PCDHGA7: variants seen among roughly 807,000 people sequenced by gnomAD.
PCDHGA7 encodes the protein protocadherin gamma subfamily A, 7, also known as protocadherin gamma-A7.
In PCDHGA7, 44 loss-of-function variants were observed where a neutral mutation model predicts 58.3. The observed-to-expected ratio is 0.75, with a 90% confidence interval of 0.59 to 0.97. PCDHGA7 has a LOEUF of 0.97. PCDHGA7 is among the 50% of genes least tolerant of loss of function. PCDHGA7 has a pLI of 0.00. For synonymous variants in PCDHGA7, 516 were observed against 504.2 expected (o/e 1.02, Z -0.31); for missense variants, 1,266 against 1,188.7 (o/e 1.06, Z -0.96).
At chr5:141,505,352 C>CG in intron 2 of PCDHGA7, 41 bp from the exon 3 acceptor site, 1 of 1,613,302 alleles carries the variant, frequency 6.2e-7, no homozygotes, top group East Asian at 2.2e-5. Context: ...TGAGCTGTGC[C>CG]GGCCTGGGAG....
chr5:141,431,513 C>G lies in PCDHGA7; in HGVS notation c.2424+46190C>G. ...TCAGCCCGAGTACCGCGCGAGCGTT[C>G]CGGAGAATCTGGCCTTGGGCACGCA... On this transcript the variant is annotated intron_variant, in intron 1 of 3. Transcript: ENST00000518325. The surrounding 1 kb of genome is among the most constrained non-coding windows in gnomAD (Gnocchi z 4.8). 6.2e-7 allele frequency: 1 copy of G among 1,614,022 alleles called. No homozygotes were observed. Among genetic ancestry groups the G allele is most frequent in the South Asian group, 1.1e-5 (1 of 91,088 alleles).
chr5:141,409,442 C>T, intron 1 of PCDHGA7: 2 of 1,613,998 alleles, frequency 1.2e-6, no homozygotes, highest in Non-Finnish European at 1.7e-6. Flanking sequence ...GGACCGAGAG[C>T]AGACACCAGA....
chr5:141,450,015 T>A (rs911475310), intron 1 of PCDHGA7, among the ~76,000 whole-genome samples: 12 of 149,806 alleles, frequency 8.0e-5, no homozygotes, highest in Non-Finnish European at 1.6e-4. Flanking sequence ...TCTTTTTTTT[T>A]TTTTTTTTTG....
In PCDHGA7 at chr5:141,382,776, A is replaced by G. The variant is rs572614689; in HGVS notation, c.-124A>G. 9.9e-6 allele frequency: 8 copies of G among 809,846 alleles called. No individual in the cohort carries two copies. The Admixed American group carries it at 2.0e-4, about 21-fold the overall frequency. 50.2% of individuals were successfully genotyped at this position (809,846 alleles called of 1,614,324 possible). The stretch of plus-strand genomic sequence containing the variant: ...TAAGCCCTCTTCCAGGCTGCACTAA[A>G]CTCAAGCCTCTATCCTGCTGGATTC... On this transcript the variant is annotated 5_prime_UTR_variant, in exon 1 of 4. Transcript: ENST00000518325.
rs770760145 is a variant in PCDHGA7 at position 141,421,951 on chromosome 5, A to C, written c.2424+36628A>C. On this transcript the variant is annotated intron_variant, in intron 1 of 3. Transcript: ENST00000518325. Reference sequence around the variant, plus strand: ...CCTCGATGTAAATGATCACATCCCAATGTTTACACAGTCCGTATATCGCGT... The same window carrying C: ...CCTCGATGTAAATGATCACATCCCACTGTTTACACAGTCCGTATATCGCGT... 1.9e-6 allele frequency: 3 copies of C among 1,612,854 alleles called. No homozygotes were observed. The highest frequency in any genetic ancestry group is 2.5e-6 in the Non-Finnish European group (3 of 1,179,434).
intron 1 of PCDHGA7, among the ~76,000 whole-genome samples, chr5:141,461,917 G>A (rs527287831): frequency 6.6e-6 from 1 of 152,098 alleles, no homozygotes; most frequent in South Asian, 2.1e-4. Flanking sequence ...TCTGCCTCCT[G>A]GGTTCCAGCA....
intron 1 of PCDHGA7, chr5:141,399,076 G>A (rs767415619): frequency 1.2e-6 from 2 of 1,613,850 alleles, no homozygotes; most frequent in Non-Finnish European, 1.7e-6. Flanking sequence ...GGTTGTAGAA[G>A]GGAGGGATGG....
In PCDHGA7 at chr5:141,383,157, T is replaced by A; in HGVS notation, c.258T>A (p.Thr86=). The change falls in exon 1 of 4, where the codon ACT becomes ACA. Residue 86 remains threonine (T), a synonymous_variant. Coordinates refer to ENST00000518325, the MANE Select transcript of PCDHGA7 (RefSeq NM_018920.4). ...ALNQRSGSLV[T]AGRIDREEIC... ...ACCAGCGCAGCGGCAGCTTGGTCACTGCGGGCAGGATAGACCGGGAAGAGA... is the reference window on the plus strand; with the variant it reads ...ACCAGCGCAGCGGCAGCTTGGTCACAGCGGGCAGGATAGACCGGGAAGAGA... The A allele has an allele frequency of 6.2e-7, 1 of 1,614,076 alleles. No individual in the cohort carries two copies. The highest frequency in any genetic ancestry group is 8.5e-7 in the Non-Finnish European group (1 of 1,179,958).
At chr5:141,465,831 T>A (rs997004387) in intron 1 of PCDHGA7, among the ~76,000 whole-genome samples, 1 of 151,980 alleles carries the variant, frequency 6.6e-6, no homozygotes, top group African/African-American at 2.4e-5. Context: ...TTGTTTAAAA[T>A]TTCAACTGAG....
At chr5:141,448,862 G>A (rs1406203589) in intron 1 of PCDHGA7, among the ~76,000 whole-genome samples, 2 of 151,996 alleles carry the variant, frequency 1.3e-5, no homozygotes, top group African/African-American at 2.4e-5. Context: ...GGAGAATGGC[G>A]TGAACCTGGG....
At chr5:141,497,664 C>T (rs779506763) in intron 2 of PCDHGA7, among the ~76,000 whole-genome samples, 14 of 151,904 alleles carry the variant, frequency 9.2e-5, no homozygotes, top group Non-Finnish European at 1.8e-4. Context: ...CTCAGCCTCC[C>T]GAGTAGCTGG....
chr5:141,420,156 A>T lies in PCDHGA7; in HGVS notation c.2424+34833A>T, dbSNP rs1406451882. ...GGGGATCAAATGAATCCAGAATTTA[A>T]TTTTTTCACATCTGTTGATCATTGT... On this transcript the variant is annotated intron_variant, in intron 1 of 3. Coordinates refer to ENST00000518325, the MANE Select transcript of PCDHGA7 (RefSeq NM_018920.4). The T allele has an allele frequency of 1.4e-5, 22 of 1,613,872 alleles. No individual in the cohort carries two copies. Among genetic ancestry groups the T allele is most frequent in the Middle Eastern group, 3.3e-4 (2 of 6,084 alleles).
rs113065470 is a variant in PCDHGA7 at position 141,401,000 on chromosome 5, C to A, written c.2424+15677C>A. 4.1e-3 allele frequency among the ~76,000 whole-genome samples: 629 copies of A among 152,216 alleles called. 6 individuals are homozygous for A. The highest frequency in any genetic ancestry group is 0.014 in the African/African-American group (590 of 41,530). On this transcript the variant is annotated intron_variant, in intron 1 of 3. Coordinates refer to ENST00000518325, the MANE Select transcript of PCDHGA7 (RefSeq NM_018920.4). ...TGTTCCTCATATATGCTTTCTTATT[C>A]CTACCTAATGGATTTATGATTTTTT...
intron 2 of PCDHGA7, among the ~76,000 whole-genome samples, chr5:141,503,448 C>T (rs765046868): frequency 2.0e-5 from 3 of 151,808 alleles, no homozygotes; most frequent in South Asian, 2.1e-4. Context: ...TACAAAAATT[C>T]GCTGGGCATG....
intron 1 of PCDHGA7, among the ~76,000 whole-genome samples, chr5:141,466,493 A>G (rs2099123402): frequency 6.6e-6 from 1 of 152,226 alleles, no homozygotes; most frequent in South Asian, 2.1e-4. Context: ...TTCTTTAATT[A>G]GAGCACAGAC....
intron 1 of PCDHGA7, chr5:141,410,202 A>C (rs766392835): frequency 1.3e-5 from 21 of 1,614,018 alleles, no homozygotes; most frequent in Non-Finnish European, 1.6e-5. Context: ...TTCGCAGACA[A>C]CTTGCAAGAG....
chr5:141,490,951 T>G lies in PCDHGA7; in HGVS notation c.2425-3856T>G, dbSNP rs778168052. On this transcript the variant is annotated intron_variant, in intron 1 of 3. Transcript: ENST00000518325. The surrounding 1 kb of genome is among the most constrained non-coding windows in gnomAD (Gnocchi z 5.4). ...AGCTGTGCTGCACCCACGGCCAGACTGGGAACACTCAGCCCCCCAGCGTCT... is the reference window on the plus strand; with the variant it reads ...AGCTGTGCTGCACCCACGGCCAGACGGGGAACACTCAGCCCCCCAGCGTCT... The G allele has an allele frequency of 6.2e-7, 1 of 1,613,638 alleles. No individual in the cohort carries two copies. The highest frequency in any genetic ancestry group is 1.3e-5 in the African/African-American group (1 of 74,900).
rs888457230 is a variant in PCDHGA7, at chr5:141,493,727, C to T, written c.2425-1080C>T. On this transcript the variant is annotated intron_variant, in intron 1 of 3. Transcript: ENST00000518325. This position sits in a 1 kb window ranked among gnomAD's most constrained non-coding sequence, Gnocchi z 4.3. ...TGGAATGCTAGGTTTCTGGGTTCTG[C>T]TCATATCACTGCCACCTGTGAGCCT... Among the ~76,000 whole-genome samples, 2 of 152,184 alleles carry T rather than the reference C, an allele frequency of 1.3e-5. No homozygotes were observed. Among genetic ancestry groups the T allele is most frequent in the Admixed American group, 6.5e-5 (1 of 15,280 alleles).
intron 1 of PCDHGA7, among the ~76,000 whole-genome samples, chr5:141,438,019 G>A (rs1031334687): frequency 1.3e-5 from 2 of 152,104 alleles, no homozygotes; most frequent in Non-Finnish European, 2.9e-5. Context: ...GAGATTACAG[G>A]TGTGAGCCAC....
Sources: gnomAD v4.1 joint callset for allele counts (sites outside exome capture counted in the v4.1 genomes callset) on GRCh38, gnomAD v4.1.1 for gene constraint, Gnocchi (gnomAD v3.1) non-coding constraint, MANE v1.5 for transcripts, NCBI Gene and HGNC (gene_info 2026-07-23, HGNC 2026-07-21) for gene names.